The following CSMD1 variants were observed in gnomAD, a reference collection of about 807,000 sequenced individuals.
The protein encoded by CSMD1 is CUB and sushi domain-containing protein 1.
A neutral mutation model predicts 417.5 loss-of-function variants in CSMD1; 213 were observed. The ratio of observed to expected loss-of-function variants is 0.51; its 90% CI spans 0.46 to 0.57. The LOEUF (loss-of-function observed/expected upper bound fraction) is 0.57, where lower values mean the gene tolerates loss of function less well. CSMD1 is among the 20% of genes least tolerant of loss of function. The probability of loss-of-function intolerance (pLI) is 0.00; values close to 1 mark genes in which losing one functional copy is unlikely to be tolerated. For missense variants in CSMD1, 6,923 were observed against 4,529.7 expected (o/e 1.53, Z -15.17); for synonymous variants, 2,862 against 1,736.8 (o/e 1.65, Z -16.11).
At chr8:4,679,222 C>G (rs1456205927) in intron 1 of CSMD1, among the ~76,000 whole-genome samples, 4 of 152,132 alleles carry the variant, frequency 2.6e-5, no homozygotes, top group African/African-American at 9.7e-5. Context: ...TCCCTGGACA[C>G]ATGGCACTGT....
chr8:3,343,458 A>G lies in CSMD1; in HGVS notation c.3475-8T>C, dbSNP rs1489277350. The stretch of plus-strand genomic sequence containing the variant: ...GTCTTTTCCATCATATACCTGATGA[A>G]AATTCACAGCATGAGTCCCTCTATG... On this transcript the variant is annotated splice_polypyrimidine_tract_variant and splice_region_variant and intron_variant, in intron 22 of 69. Transcript: ENST00000635120. The G allele has an allele frequency of 6.2e-7, 1 of 1,611,040 alleles. No individual in the cohort carries two copies. Among genetic ancestry groups the G allele is most frequent in the Non-Finnish European group, 8.5e-7 (1 of 1,177,720 alleles).
At chr8:3,762,705 C>G (rs1798077823) in intron 5 of CSMD1, among the ~76,000 whole-genome samples, 1 of 152,194 alleles carries the variant, frequency 6.6e-6, no homozygotes. Flanking sequence ...CCAAAGCTGT[C>G]CGTCTGCAAA....
Position 4,261,503 on chromosome 8 carries a change from G to C in CSMD1, c.415+158450C>G, listed in dbSNP as rs142893977. On this transcript the variant is annotated intron_variant, in intron 3 of 69. Transcript: ENST00000635120. The stretch of plus-strand genomic sequence containing the variant: ...TCTAATGTACAGCATGGTTACTTTA[G>C]CTAGTAATACTGTTATTATATACTT... Among the ~76,000 whole-genome samples, 845 of 152,276 alleles carry C rather than the reference G, an allele frequency of 5.5e-3. 9 individuals carry two copies. Among genetic ancestry groups the C allele is most frequent in the African/African-American group, 0.02 (813 of 41,556 alleles).
chr8:3,394,839 A>G (rs917530280), intron 17 of CSMD1, among the ~76,000 whole-genome samples: 3 of 152,206 alleles, frequency 2.0e-5, no homozygotes, highest in East Asian at 1.9e-4. Context: ...AATGTTGTAT[A>G]TCTATATATG....
intron 7 of CSMD1, among the ~76,000 whole-genome samples, chr8:3,704,536 A>G (rs751735132): frequency 6.6e-6 from 1 of 152,332 alleles, no homozygotes; most frequent in South Asian, 2.1e-4. Flanking sequence ...ACAGCTAGAG[A>G]GATAAGAGGA....
At position 3,964,114 on chromosome 8, in the gene CSMD1, G is replaced by GA. The variant is rs199581074; in HGVS notation, c.818+33788dup. Among the ~76,000 whole-genome samples, 754 of 151,978 alleles carry GA rather than the reference G, an allele frequency of 5.0e-3. 9 individuals carry two copies. Among genetic ancestry groups the GA allele is most frequent in the African/African-American group, 0.017 (710 of 41,490 alleles). On this transcript the variant is annotated intron_variant, in intron 5 of 69. Transcript: ENST00000635120. ...CAACAGTAAAAAGAACCTGCTTTCAGAAAAAAAAGTTTTGCGTAAAATTCA... is the reference window on the plus strand; with the variant it reads ...CAACAGTAAAAAGAACCTGCTTTCAGAAAAAAAAAGTTTTGCGTAAAATTCA...
At chr8:3,599,137 GTGTGTGTGTGTGTC>G (rs1801234003) in intron 8 of CSMD1, among the ~76,000 whole-genome samples, 1 of 135,560 alleles carries the variant, frequency 7.4e-6, no homozygotes, top group African/African-American at 3.4e-5. Context: ...GTGTGTGTGT[GTGTGTGTGTGTGTC>G]TGTGTGTGTG....
intron 3 of CSMD1, among the ~76,000 whole-genome samples, chr8:4,277,401 C>A (rs1032886334): frequency 6.6e-6 from 1 of 152,088 alleles, no homozygotes. Flanking sequence ...TTGACCCAGC[C>A]CCCATTTCCC....
chr8:3,359,297 G>A lies in CSMD1; in HGVS notation c.3159C>T (p.Phe1053=). 1 of 1,613,848 alleles carries A rather than the reference G, an allele frequency of 6.2e-7. No individual in the cohort carries two copies. The change falls in exon 21 of 70, where the codon TTC becomes TTT. Residue 1053 remains phenylalanine, a synonymous_variant. Coordinates refer to ENST00000635120, the MANE Select transcript of CSMD1 (RefSeq NM_033225.6). ...EPCDDPGVPA[F]SRRIGFHFGV... is the part of the protein sequence containing the mutation. Reference sequence around the variant, plus strand: ...CAAAGTGAAAACCAATTCTTCGGCTGAAGGCAGGGACTCCAGGATCATCAC... The same window carrying A: ...CAAAGTGAAAACCAATTCTTCGGCTAAAGGCAGGGACTCCAGGATCATCAC...
At chr8:4,334,061 T>C (rs1019073556) in intron 3 of CSMD1, among the ~76,000 whole-genome samples, 4 of 151,910 alleles carry the variant, frequency 2.6e-5, no homozygotes, top group Admixed American at 1.3e-4. Context: ...GTTTCATTAA[T>C]TATGATGATG....
intron 1 of CSMD1, among the ~76,000 whole-genome samples, chr8:4,789,145 G>A (rs1797561654): frequency 2.6e-5 from 4 of 152,128 alleles, no homozygotes; most frequent in South Asian, 4.1e-4. Context: ...CACTGAAAAT[G>A]AAATACAATG....
intron 1 of CSMD1, among the ~76,000 whole-genome samples, chr8:4,717,309 C>G (rs1315097602): frequency 1.1e-5 from 1 of 92,754 alleles, no homozygotes; most frequent in African/African-American, 8.2e-5. Context: ...CTCTCTCTCT[C>G]CATATATATA....
At chr8:4,542,394 A>G (rs1797432057) in intron 2 of CSMD1, among the ~76,000 whole-genome samples, 1 of 152,248 alleles carries the variant, frequency 6.6e-6, no homozygotes, top group Non-Finnish European at 1.5e-5. Flanking sequence ...TCTCTTCAGA[A>G]GAATAACCAT....
intron 52 of CSMD1, among the ~76,000 whole-genome samples, chr8:3,005,069 G>A (rs1807762948): frequency 1.3e-5 from 2 of 152,166 alleles, no homozygotes; most frequent in South Asian, 4.1e-4. Context: ...AACCCGGGAG[G>A]CAGAGGTTGC....
intron 3 of CSMD1, among the ~76,000 whole-genome samples, chr8:4,049,027 C>T (rs908773940): frequency 1.3e-5 from 2 of 152,164 alleles, no homozygotes; most frequent in Non-Finnish European, 2.9e-5. Flanking sequence ...CTTTTCAAGA[C>T]TCACCACCCA....
chr8:3,352,350 G>A (rs1332112967), intron 21 of CSMD1, among the ~76,000 whole-genome samples: 1 of 152,202 alleles, frequency 6.6e-6, no homozygotes, highest in African/African-American at 2.4e-5. Flanking sequence ...CAAAAACACA[G>A]AAGGTATAGA....
At chr8:4,499,668 T>C (rs1012198449) in intron 2 of CSMD1, among the ~76,000 whole-genome samples, 1 of 152,234 alleles carries the variant, frequency 6.6e-6, no homozygotes, top group Non-Finnish European at 1.5e-5. Context: ...GTTATAAATA[T>C]CAGATTTTAG....
At chr8:3,582,831 T>C (rs1355450339) in intron 9 of CSMD1, among the ~76,000 whole-genome samples, 1 of 152,248 alleles carries the variant, frequency 6.6e-6, no homozygotes, top group Admixed American at 6.5e-5. Context: ...CCCTTTTTAG[T>C]CTAGCTACTA....
intron 3 of CSMD1, among the ~76,000 whole-genome samples, chr8:4,236,175 T>G (rs1585073017): frequency 6.6e-6 from 1 of 151,596 alleles, no homozygotes; most frequent in Non-Finnish European, 1.5e-5. Flanking sequence ...GGAACTGAAA[T>G]GCCACGGACA....
Sources: gnomAD v4.1 joint callset for allele counts (sites outside exome capture counted in the v4.1 genomes callset) on GRCh38, gnomAD v4.1.1 for gene constraint, MANE v1.5 for transcripts, NCBI Gene and HGNC (gene_info 2026-07-23, HGNC 2026-07-21) for gene names.